Variants in ADARB2 observed in about 807,000 individuals in gnomAD.
The protein encoded by ADARB2 is adenosine deaminase RNA specific B2 (inactive), also known as inactive double-stranded RNA-specific editase B2.
A neutral mutation model predicts 62.2 loss-of-function variants in ADARB2; 25 were observed. The ratio of observed to expected loss-of-function variants is 0.40; its 90% CI spans 0.29 to 0.56. The LOEUF (loss-of-function observed/expected upper bound fraction) is 0.56. Among genes scored for constraint, ADARB2 ranks in the 20% least tolerant of loss-of-function variants. The probability of loss-of-function intolerance (pLI) is 0.43; values close to 1 mark genes in which losing one functional copy is unlikely to be tolerated. For synonymous variants in ADARB2, 572 were observed against 500.8 expected (o/e 1.14, Z -1.90); for missense variants, 1,071 against 1,077.4 (o/e 0.99, Z 0.08).
chr10:1,313,008 A>AC (rs11405839), intron 3 of ADARB2, among the ~76,000 whole-genome samples: 3,586 of 152,254 alleles, frequency 0.024, 137 homozygotes, highest in African/African-American at 0.08. Context: ...ATTTCACCTG[A>AC]CCAGAGGCCA....
intron 1 of ADARB2, among the ~76,000 whole-genome samples, chr10:1,608,136 T>C (rs775854052): frequency 1.3e-5 from 2 of 152,178 alleles, no homozygotes; most frequent in Non-Finnish European, 2.9e-5. Flanking sequence ...TCCATGCAAA[T>C]GGAAAGTGAT....
At chr10:1,701,136 T>C (rs375733059) in intron 1 of ADARB2, among the ~76,000 whole-genome samples, 30 of 1,534 alleles carry the variant, frequency 0.02, 3 homozygotes, top group Admixed American at 0.068. Flanking sequence ...CACTCGCCAA[T>C]ACACACAATC....
intron 3 of ADARB2, among the ~76,000 whole-genome samples, chr10:1,275,831 C>T (rs564138672): frequency 7.5e-4 from 114 of 152,120 alleles, no homozygotes; most frequent in African/African-American, 1.8e-3. Flanking sequence ...ACAAAGGACA[C>T]GAACTCATCA....
intron 1 of ADARB2, among the ~76,000 whole-genome samples, chr10:1,478,842 A>G (rs1165228214): frequency 6.6e-6 from 1 of 151,086 alleles, no homozygotes; most frequent in Admixed American, 6.6e-5. Context: ...CAAAATAAGG[A>G]CCCTCCGACA....
At chr10:1,369,041 G>A (rs545628008) in intron 2 of ADARB2, among the ~76,000 whole-genome samples, 6 of 152,080 alleles carry the variant, frequency 3.9e-5, no homozygotes, top group Admixed American at 2.6e-4. Context: ...GCCGCCCCTG[G>A]CGGCCTCTTG....
intron 1 of ADARB2, among the ~76,000 whole-genome samples, chr10:1,628,030 G>A (rs999119112): frequency 3.9e-5 from 6 of 152,176 alleles, no homozygotes; most frequent in Admixed American, 2.0e-4. Context: ...GTGGGCTTTC[G>A]CCCATCCCTC....
At chr10:1,680,894 G>A (rs1834527296) in intron 1 of ADARB2, among the ~76,000 whole-genome samples, 2 of 152,206 alleles carry the variant, frequency 1.3e-5, no homozygotes, top group Admixed American at 6.5e-5. Flanking sequence ...TGCAGCAGGG[G>A]ACTGAATCCT....
At chr10:1,603,127 A>G (rs372210221) in intron 1 of ADARB2, among the ~76,000 whole-genome samples, 21 of 151,226 alleles carry the variant, frequency 1.4e-4, no homozygotes, top group Non-Finnish European at 2.5e-4. Context: ...ACACACACCT[A>G]TACACACATA....
rs1366405776 is a variant in ADARB2, at chr10:1,375,973, GCA to G, written c.187+3099_187+3100del. 6.4e-3 allele frequency among the ~76,000 whole-genome samples: 934 copies of G among 146,900 alleles called. 13 individuals are homozygous for G. Among genetic ancestry groups the G allele is most frequent in the African/African-American group, 0.022 (862 of 39,252 alleles). ...CACACACATGCACACACACACATGT[GCA>G]CACACACGCACACACACGCACATGA... On this transcript the variant is annotated intron_variant, in intron 2 of 9. Transcript: ENST00000381312.
At chr10:1,400,029 C>T (rs971774504) in intron 1 of ADARB2, among the ~76,000 whole-genome samples, 4 of 152,154 alleles carry the variant, frequency 2.6e-5, no homozygotes, top group Admixed American at 1.3e-4. Context: ...TGAGGACAAA[C>T]GTGAGGAGCG....
intron 3 of ADARB2, among the ~76,000 whole-genome samples, chr10:1,303,221 C>T (rs1470904655): frequency 2.0e-5 from 3 of 151,788 alleles, no homozygotes; most frequent in Non-Finnish European, 2.9e-5. Context: ...TCGAGAACTA[C>T]GTGAAGAATG....
intron 1 of ADARB2, among the ~76,000 whole-genome samples, chr10:1,641,854 A>T (rs548528594): frequency 6.6e-6 from 1 of 152,246 alleles, no homozygotes; most frequent in African/African-American, 2.4e-5. Flanking sequence ...CTCTACTAAA[A>T]ATACAAAAAT....
At chr10:1,583,879 G>A (rs1361300258) in intron 1 of ADARB2, among the ~76,000 whole-genome samples, 1 of 152,192 alleles carries the variant, frequency 6.6e-6, no homozygotes, top group Non-Finnish European at 1.5e-5. Context: ...ACAGGGTTAG[G>A]GTTAAGGGTT....
chr10:1,721,915 G>A (rs1000575463), intron 1 of ADARB2, among the ~76,000 whole-genome samples: 2 of 152,126 alleles, frequency 1.3e-5, no homozygotes, highest in African/African-American at 4.8e-5. Context: ...CCTCATTCCT[G>A]GTGATCAGAG....
At chr10:1,344,272 G>A (rs996920919) in intron 3 of ADARB2, among the ~76,000 whole-genome samples, 2 of 152,212 alleles carry the variant, frequency 1.3e-5, no homozygotes, top group African/African-American at 2.4e-5. Context: ...CCTTTGTTCA[G>A]CAGCGAGAGG....
At chr10:1,326,076 T>C (rs1453660525) in intron 3 of ADARB2, among the ~76,000 whole-genome samples, 1 of 152,212 alleles carries the variant, frequency 6.6e-6, no homozygotes, top group Non-Finnish European at 1.5e-5. Context: ...AGTAAGATAC[T>C]CTTATCTTGG....
chr10:1,521,258 G>A (rs559391337), intron 1 of ADARB2, among the ~76,000 whole-genome samples: 17 of 152,260 alleles, frequency 1.1e-4, no homozygotes, highest in Admixed American at 2.0e-4. Context: ...CAGGCATCTC[G>A]GGTGACAATA....
chr10:1,437,951 T>C (rs760350914), intron 1 of ADARB2, among the ~76,000 whole-genome samples: 1 of 152,214 alleles, frequency 6.6e-6, no homozygotes, highest in African/African-American at 2.4e-5. Flanking sequence ...GTCTCACTTC[T>C]TAGGAACATT....
intron 1 of ADARB2, among the ~76,000 whole-genome samples, chr10:1,520,935 T>A (rs927447355): frequency 6.6e-6 from 1 of 152,218 alleles, no homozygotes; most frequent in African/African-American, 2.4e-5. Context: ...AAGACCTCGA[T>A]TTACGCAGAA....
Sources: gnomAD v4.1 joint callset for allele counts (sites outside exome capture counted in the v4.1 genomes callset) on GRCh38, gnomAD v4.1.1 for gene constraint, MANE v1.5 for transcripts, NCBI Gene and HGNC (gene_info 2026-07-23, HGNC 2026-07-21) for gene names.